Variants in IL17F observed in about 807,000 individuals in gnomAD.
IL17F encodes interleukin-17F.
IL17F carries 6 observed loss-of-function variants against 8.3 expected under a neutral mutation model. The observed-to-expected ratio is 0.73, with a 90% CI of 0.40 to 1.43. The LOEUF is 1.43. Among genes scored for constraint, IL17F ranks in the 40% most tolerant of loss-of-function variants. IL17F has a pLI of 0.02. For missense variants in IL17F, 204 were observed against 209.6 expected (o/e 0.97, Z 0.17); for synonymous variants, 98 against 81.6 (o/e 1.20, Z -1.08).
chr6:52,240,653 G>T (rs565159942), intron 1 of IL17F, among the ~76,000 whole-genome samples: 2 of 152,130 alleles, frequency 1.3e-5, no homozygotes, highest in African/African-American at 4.8e-5. Context: ...TACTGAGGAA[G>T]CTGACACTAA....
At chr6:52,240,438 GAAA>G (rs34052816) in intron 1 of IL17F, among the ~76,000 whole-genome samples, 2 of 96,330 alleles carry the variant, frequency 2.1e-5, no homozygotes, top group African/African-American at 8.0e-5. Context: ...CTCCTGCTTG[GAAA>G]AAAAAAAAAA....
At chr6:52,244,235 T>G (rs1764122576) in intron 1 of IL17F, among the ~76,000 whole-genome samples, 162 bp downstream of exon 1, 2 of 152,180 alleles carry the variant, frequency 1.3e-5, no homozygotes, top group African/African-American at 4.8e-5. Flanking sequence ...TTCTAGTTAT[T>G]TTTTTCTTTT....
Position 52,244,275 on chromosome 6 carries a change from T to A in IL17F, c.33+122A>T, listed in dbSNP as rs1764123334. 3 of 949,196 alleles carry A rather than the reference T, an allele frequency of 3.2e-6. No individual in the cohort carries two copies. The Admixed American group carries it at 5.1e-5, about 16-fold the overall frequency. 58.8% of individuals were successfully genotyped at this position (949,196 alleles called of 1,614,324 possible). A position where few individuals can be genotyped will look rare whatever the true frequency, so the allele number is the denominator to read the frequency against. ...CACCAGACAGGAGTCAAAATTAAAGTCATCTCTGTTTTTTAAGAAGTAATT... is the reference window on the plus strand; with the variant it reads ...CACCAGACAGGAGTCAAAATTAAAGACATCTCTGTTTTTTAAGAAGTAATT... On this transcript the variant is annotated intron_variant, in intron 1 of 2. Coordinates refer to ENST00000336123, the MANE Select transcript of IL17F (RefSeq NM_052872.4).
chr6:52,243,771 T>A (rs897897651), intron 1 of IL17F, among the ~76,000 whole-genome samples: 1 of 152,148 alleles, frequency 6.6e-6, no homozygotes, highest in African/African-American at 2.4e-5. Context: ...AGCTGCATTT[T>A]TTTTTCTTTG....
upstream of IL17F, among the ~76,000 whole-genome samples, chr6:52,245,300 C>T (rs11465534): frequency 1.5e-3 from 231 of 152,332 alleles, 1 homozygote; most frequent in Non-Finnish European, 2.6e-3. Context: ...AAGGCTCAGT[C>T]CCACAAAACT....
At chr6:52,241,164 C>T (rs1044838965) in intron 1 of IL17F, among the ~76,000 whole-genome samples, 12 of 152,108 alleles carry the variant, frequency 7.9e-5, no homozygotes, top group African/African-American at 2.9e-4. Context: ...CTGCAATCTC[C>T]GCCTCCCAGG....
upstream of IL17F, chr6:52,244,638 GGGAACAAAAGGGGGACCCTAAA>G (rs1764132405): frequency 1.7e-6 from 1 of 590,582 alleles, no homozygotes; most frequent in Admixed American, 3.0e-5. Context: ...TTTCCCGAAG[GGGAACAAAAGGGGGACCCTAAA>G]GAAAGGGATG....
rs569473195 is a variant in IL17F, at chr6:52,238,782, C to T, written c.202G>A (p.Val68Ile). 92 of 1,614,070 alleles carry T rather than the reference C, an allele frequency of 5.7e-5. 1 individual carries two copies. The highest frequency in any genetic ancestry group is 1.2e-4 in the Admixed American group (7 of 60,006). Residue 68 changes from valine (V) to isoleucine (I), a missense_variant, in exon 2 of 3, where the codon GTT becomes ATT. By Grantham distance (29) the Val-to-Ile change is conservative. Coordinates refer to ENST00000336123, the MANE Select transcript of IL17F (RefSeq NM_052872.4). ...DIGIINENQR[V>I]SMSRNIESRS... ...CTCTCGATGTTACGTGACATGGAAA[C>T]GCGCTGGTTTTCATTGATGATGCCA...
upstream of IL17F, among the ~76,000 whole-genome samples, chr6:52,245,380 G>T (rs557501426): frequency 6.6e-6 from 1 of 152,230 alleles, no homozygotes; most frequent in Admixed American, 6.5e-5. Context: ...TCAAGTTCAG[G>T]TTCCCACAAA....
intron 1 of IL17F, among the ~76,000 whole-genome samples, chr6:52,239,499 T>A (rs1308643943): frequency 1.3e-5 from 2 of 152,146 alleles, no homozygotes; most frequent in Non-Finnish European, 2.9e-5. Context: ...TCTGTCAAAA[T>A]CCTACCCTTC....
chr6:52,244,845 C>A (rs1189817111), upstream of IL17F, among the ~76,000 whole-genome samples: 1 of 152,200 alleles, frequency 6.6e-6, no homozygotes, highest in African/African-American at 2.4e-5. Context: ...ATATGTTCTA[C>A]TTTCCAGTCA....
Position 52,244,463 on chromosome 6 carries a change from C to G in IL17F, c.-34G>C, listed in dbSNP as rs1452935653. On this transcript the variant is annotated 5_prime_UTR_variant, in exon 1 of 3. Transcript: ENST00000336123. ...GGTGGCTTACTTTGTGCAGGAAGCT[C>G]TTTCTGTGAATGTATCTTCCTGTGT... 4.3e-6 allele frequency: 7 copies of G among 1,610,740 alleles called. No individual in the cohort carries two copies. The highest frequency in any genetic ancestry group is 5.9e-6 in the Non-Finnish European group (7 of 1,176,908).
At chr6:52,241,065 CGTTT>C (rs58639265) in intron 1 of IL17F, among the ~76,000 whole-genome samples, 49,030 of 149,840 alleles carry the variant, frequency 0.33, 9,265 homozygotes, top group South Asian at 0.43. Flanking sequence ...ACTGCTATGG[CGTTT>C]GTTTGTTTGT....
intron 2 of IL17F, among the ~76,000 whole-genome samples, chr6:52,237,879 A>G (rs535127003): frequency 4.3e-4 from 66 of 152,046 alleles, no homozygotes; most frequent in African/African-American, 1.6e-3. Context: ...CTGAGAACCT[A>G]CCAAGGAAAA....
chr6:52,241,487 GT>G (rs11308972), intron 1 of IL17F, among the ~76,000 whole-genome samples: 3,993 of 152,044 alleles, frequency 0.026, 167 homozygotes, highest in African/African-American at 0.087. Context: ...CCTCCTTTGT[GT>G]TTTCTCTTTC....
At chr6:52,242,184 T>C (rs1764086186) in intron 1 of IL17F, among the ~76,000 whole-genome samples, 1 of 152,152 alleles carries the variant, frequency 6.6e-6, no homozygotes, top group Admixed American at 6.5e-5. Context: ...TGAATAGATA[T>C]CGCTCTCAAT....
chr6:52,237,502 T>G lies in IL17F; in HGVS notation c.255-334A>C, dbSNP rs371808441. ...ATTAGATCTTTCATTGGCATTATTA[T>G]TATTATTATTACAATTCTTTATTCT... On this transcript the variant is annotated intron_variant, in intron 2 of 2. Transcript: ENST00000336123. Among the ~76,000 whole-genome samples, 72 of 152,268 alleles carry G rather than the reference T, an allele frequency of 4.7e-4. 1 individual carries two copies. Among genetic ancestry groups the G allele is most frequent in the African/African-American group, 1.6e-3 (65 of 41,548 alleles).
At chr6:52,244,708 A>G (rs140679918), upstream of IL17F, among the ~76,000 whole-genome samples, 2 of 152,192 alleles carry the variant, frequency 1.3e-5, no homozygotes, top group East Asian at 1.9e-4. Context: ...CTTCTACCCT[A>G]CTTCCACCCC....
intron 2 of IL17F, 35 bp from the exon 3 acceptor site, chr6:52,237,203 G>A (rs762999820): frequency 7.9e-6 from 12 of 1,519,566 alleles, no homozygotes; most frequent in Non-Finnish European, 1.1e-5. Context: ...CAATGGTGAG[G>A]CATGGGGGAG....
Sources: allele counts gnomAD v4.1 joint callset (sites outside exome capture counted in the v4.1 genomes callset), GRCh38; gene constraint gnomAD v4.1.1; transcripts MANE v1.5; gene names NCBI Gene and HGNC (gene_info 2026-07-23, HGNC 2026-07-21).